Variants in PCOLCE2 observed in about 807,000 individuals in gnomAD.
PCOLCE2 encodes the protein procollagen C-endopeptidase enhancer 2, also known as procollagen C-proteinase enhancer 2.
Under a neutral mutation model 47.0 loss-of-function variants are expected in PCOLCE2, and 42 were observed. The observed-to-expected ratio is 0.89, with a 90% CI of 0.70 to 1.16. The LOEUF is 1.16. Ranked by LOEUF, PCOLCE2 falls within the 50% of genes most tolerant of loss-of-function variation. The pLI is 0.00. For synonymous variants in PCOLCE2, 169 were observed against 191.7 expected (o/e 0.88, Z 0.98); for missense variants, 500 against 526.1 (o/e 0.95, Z 0.49).
chr3:142,873,366 C>T (rs1393922518), intron 2 of PCOLCE2, among the ~76,000 whole-genome samples: 1 of 150,140 alleles, frequency 6.7e-6, no homozygotes, highest in Non-Finnish European at 1.5e-5. Context: ...GCACTCCAGC[C>T]CGGGCAACTA....
chr3:142,832,074 C>G (rs1178621059), intron 5 of PCOLCE2, among the ~76,000 whole-genome samples: 1 of 152,192 alleles, frequency 6.6e-6, no homozygotes, highest in East Asian at 1.9e-4. Flanking sequence ...GGTATAGAGC[C>G]AGTTACTGTT....
chr3:142,831,584 C>T (rs1286479479), intron 5 of PCOLCE2, among the ~76,000 whole-genome samples: 1 of 152,270 alleles, frequency 6.6e-6, no homozygotes, highest in East Asian at 1.9e-4. Flanking sequence ...GAGCCTTTCA[C>T]GAAAATATTC....
In PCOLCE2 at chr3:142,829,220, C is replaced by T. The variant is rs7648968; in HGVS notation, c.865+472G>A. Among the ~76,000 whole-genome samples, 1,177 of 136,624 alleles carry T rather than the reference C, an allele frequency of 8.6e-3. 17 individuals carry two copies. Among genetic ancestry groups the T allele is most frequent in the African/African-American group, 0.03 (1,073 of 35,724 alleles). 89.6% of individuals were successfully genotyped at this position (136,624 alleles called of 152,430 possible). A position where few individuals can be genotyped will look rare whatever the true frequency, so the allele number is the denominator to read the frequency against. ...TTGAATATTGTTGTTTAATTTACTC[C>T]GATTTGAAAATAAATAAATAAATAA... On this transcript the variant is annotated intron_variant, in intron 6 of 8. Transcript: ENST00000295992.
chr3:142,840,421 C>G (rs1478974490), intron 4 of PCOLCE2, among the ~76,000 whole-genome samples: 5 of 152,318 alleles, frequency 3.3e-5, no homozygotes, highest in Admixed American at 3.3e-4. Flanking sequence ...GGTACCCAAT[C>G]TTGCCGAGCA....
intron 5 of PCOLCE2, among the ~76,000 whole-genome samples, chr3:142,834,268 T>A (rs1937180811): frequency 6.6e-6 from 1 of 152,192 alleles, no homozygotes; most frequent in Admixed American, 6.5e-5. Context: ...CTGTCTTACT[T>A]TTGCCCCCTT....
At chr3:142,839,560 G>C (rs1454438956) in intron 4 of PCOLCE2, among the ~76,000 whole-genome samples, 1 of 152,116 alleles carries the variant, frequency 6.6e-6, no homozygotes, top group Non-Finnish European at 1.5e-5. Context: ...TAATCCACCT[G>C]CCTTGGCCTC....
At chr3:142,833,729 T>A (rs976528931) in intron 5 of PCOLCE2, among the ~76,000 whole-genome samples, 5 of 152,206 alleles carry the variant, frequency 3.3e-5, no homozygotes, top group African/African-American at 1.2e-4. Flanking sequence ...GCAGCTTTCT[T>A]CTTTTGGGAA....
chr3:142,836,790 G>A (rs1937208520), intron 5 of PCOLCE2, among the ~76,000 whole-genome samples: 1 of 151,826 alleles, frequency 6.6e-6, no homozygotes, highest in Non-Finnish European at 1.5e-5. Flanking sequence ...GGGAGGTAGA[G>A]GATAAACATG....
At chr3:142,826,047 C>T (rs900464816) in intron 6 of PCOLCE2, among the ~76,000 whole-genome samples, 3 of 151,998 alleles carry the variant, frequency 2.0e-5, no homozygotes, top group Non-Finnish European at 4.4e-5. Context: ...CTCTGTCGCC[C>T]AGGCTGGAGT....
At chr3:142,863,948 T>G (rs1482142434) in intron 2 of PCOLCE2, 2 of 152,060 alleles carry the variant, frequency 1.3e-5, no homozygotes, top group African/African-American at 4.8e-5. Context: ...ATCATTTTGC[T>G]CAGATGGTGT....
At chr3:142,837,011 T>C (rs1384990349) in intron 5 of PCOLCE2, among the ~76,000 whole-genome samples, 1 of 151,960 alleles carries the variant, frequency 6.6e-6, no homozygotes, top group African/African-American at 2.4e-5. Context: ...AAGAGGAGAG[T>C]GTCCTTTATT....
chr3:142,852,308 T>C (rs1226318911), intron 2 of PCOLCE2, among the ~76,000 whole-genome samples: 1 of 152,200 alleles, frequency 6.6e-6, no homozygotes, highest in Non-Finnish European at 1.5e-5. Context: ...ATTGTCATTA[T>C]AAAGGACTTT....
chr3:142,870,972 AT>A, intron 2 of PCOLCE2, among the ~76,000 whole-genome samples: 1 of 152,294 alleles, frequency 6.6e-6, no homozygotes, highest in East Asian at 1.9e-4. Context: ...TGGAACAGCA[AT>A]CTGCTGTGAC....
chr3:142,821,581 G>C (rs72992638), intron 7 of PCOLCE2, among the ~76,000 whole-genome samples: 11,829 of 151,842 alleles, frequency 0.078, 1,351 homozygotes, highest in African/African-American at 0.25. Flanking sequence ...CCTCACCTCT[G>C]TCTAATTATC....
intron 2 of PCOLCE2, chr3:142,864,223 T>TTCACCAAGCACCTTTTCC (rs1355912618): frequency 6.6e-6 from 1 of 152,178 alleles, no homozygotes; most frequent in Non-Finnish European, 1.5e-5. Flanking sequence ...ATACCCAAGT[T>TTCACCAAGCACCTTTTCC]TCACCAAGCA....
intron 3 of PCOLCE2, among the ~76,000 whole-genome samples, chr3:142,846,233 C>G (rs1228541218): frequency 6.6e-6 from 1 of 152,088 alleles, no homozygotes; most frequent in Admixed American, 6.5e-5. Flanking sequence ...GAATCTCGCT[C>G]TGTTGCCCAG....
intron 7 of PCOLCE2, among the ~76,000 whole-genome samples, chr3:142,821,664 G>C (rs908656204): frequency 1.5e-4 from 22 of 151,474 alleles, no homozygotes; most frequent in African/African-American, 5.1e-4. Context: ...TTAACAAGCT[G>C]AAGTATAGAA....
chr3:142,870,799 A>T (rs1268898892), intron 2 of PCOLCE2, among the ~76,000 whole-genome samples: 1 of 151,378 alleles, frequency 6.6e-6, no homozygotes, highest in Non-Finnish European at 1.5e-5. Context: ...ACACCTACAC[A>T]TAGTTGGATA....
chr3:142,884,131 T>C (rs759998937), intron 2 of PCOLCE2, among the ~76,000 whole-genome samples: 5 of 152,234 alleles, frequency 3.3e-5, no homozygotes, highest in Non-Finnish European at 7.3e-5. Context: ...ACTTCTTTTA[T>C]GGATCTCAGA....
Sources: allele counts gnomAD v4.1 joint callset (sites outside exome capture counted in the v4.1 genomes callset), GRCh38; gene constraint gnomAD v4.1.1; transcripts MANE v1.5; gene names NCBI Gene and HGNC (gene_info 2026-07-23, HGNC 2026-07-21).